DHX36: variants seen among roughly 807,000 people sequenced by gnomAD.
The protein encoded by DHX36 is ATP-dependent DNA/RNA helicase DHX36.
A neutral mutation model predicts 139.0 loss-of-function variants in DHX36; 50 were observed. That is an observed-to-expected ratio of 0.36 (90% CI 0.29 to 0.46). The LOEUF (loss-of-function observed/expected upper bound fraction) is 0.46. Ranked by LOEUF, DHX36 falls within the 20% of genes least tolerant of loss-of-function variation. The pLI, the probability that DHX36 is intolerant of heterozygous loss-of-function variation, is 1.00. For missense variants in DHX36, 1,024 were observed against 1,211.3 expected (o/e 0.85, Z 2.29); for synonymous variants, 425 against 401.9 (o/e 1.06, Z -0.69).
chr3:154,306,338 G>C (rs1162163593), intron 5 of DHX36, 43 bp from the exon 6 acceptor site: 1 of 1,502,406 alleles, frequency 6.7e-7, no homozygotes. Flanking sequence ...ATTTCCTTTA[G>C]AACAAATATC....
intron 22 of DHX36, chr3:154,278,370 TA>T (rs1483440823): frequency 6.6e-6 from 1 of 152,150 alleles, no homozygotes; most frequent in African/African-American, 2.4e-5. Context: ...AGATGTTTAA[TA>T]ATTTATTTTT....
At position 154,290,133 on chromosome 3, in the gene DHX36, C is replaced by T. The variant is rs189627705; in HGVS notation, c.1815-307G>A. 1.3e-3 allele frequency among the ~76,000 whole-genome samples: 196 copies of T among 152,242 alleles called. 3 individuals carry two copies. Among genetic ancestry groups the T allele is most frequent in the African/African-American group, 4.5e-3 (185 of 41,550 alleles). On this transcript the variant is annotated intron_variant, in intron 15 of 24. Transcript: ENST00000496811. ...TACTGTGCTCAGTAACAGCAGTCTA[C>T]CTAGGTTAAGGTTAAGAATAGTAAC...
At chr3:154,318,452 C>T (rs1277471003) in intron 1 of DHX36, among the ~76,000 whole-genome samples, 1 of 152,214 alleles carries the variant, frequency 6.6e-6, no homozygotes, top group South Asian at 2.1e-4. Flanking sequence ...TTTCACAATA[C>T]ATTGCCCACT....
chr3:154,309,165 G>A (rs1056972599), intron 5 of DHX36, among the ~76,000 whole-genome samples: 8 of 151,870 alleles, frequency 5.3e-5, no homozygotes, highest in African/African-American at 1.5e-4. Context: ...TCCAGCTTAA[G>A]TGACAAAATA....
chr3:154,286,383 G>C (rs1312044615), intron 17 of DHX36, among the ~76,000 whole-genome samples: 1 of 151,520 alleles, frequency 6.6e-6, no homozygotes, highest in Admixed American at 6.6e-5. Flanking sequence ...TCTACATGAA[G>C]TTATTTGAAT....
chr3:154,301,773 G>A (rs1005540041), intron 9 of DHX36, among the ~76,000 whole-genome samples: 5 of 152,030 alleles, frequency 3.3e-5, no homozygotes, highest in Non-Finnish European at 7.4e-5. Context: ...CATAGAGGGC[G>A]CATCTGGACA....
At position 154,273,511 on chromosome 3, in the gene DHX36, A is replaced by AG. The variant is rs796134581; in HGVS notation, c.*2659dup. The AG allele has an allele frequency of 4.1e-4, 63 of 152,330 alleles. No individual in the cohort carries two copies. The highest frequency in any genetic ancestry group is 1.4e-3 in the African/African-American group (59 of 41,578). The allele number at this position is 152,330 out of a possible 1,614,324, so 9.4% of individuals were successfully genotyped here. ...GGATTTAAACTGGATAATAAAAGTAAGGGAAAAAAAAGCACAAACAGAAAC... is the reference window on the plus strand; with the variant it reads ...GGATTTAAACTGGATAATAAAAGTAAGGGGAAAAAAAAGCACAAACAGAAAC... On this transcript the variant is annotated 3_prime_UTR_variant, in exon 25 of 25. Transcript: ENST00000496811.
At chr3:154,314,096 A>C (rs532065622) in intron 3 of DHX36, among the ~76,000 whole-genome samples, 5 of 152,190 alleles carry the variant, frequency 3.3e-5, no homozygotes, top group Non-Finnish European at 7.3e-5. Flanking sequence ...AAAGAGAAAG[A>C]CACTAATTCC....
chr3:154,320,530 T>C (rs1203798015), intron 1 of DHX36, among the ~76,000 whole-genome samples: 2 of 115,286 alleles, frequency 1.7e-5, no homozygotes, highest in East Asian at 5.1e-4. Context: ...ATCTCCAGTC[T>C]AGATTTTTCT....
chr3:154,308,715 G>A (rs565957843), intron 5 of DHX36, among the ~76,000 whole-genome samples: 1 of 152,182 alleles, frequency 6.6e-6, no homozygotes, highest in East Asian at 1.9e-4. Context: ...TTTCCATTTT[G>A]CTACTCAAAC....
At position 154,284,925 on chromosome 3, in the gene DHX36, A is replaced by G. The variant is rs16823844; in HGVS notation, c.2094T>C (p.Val698=). Reference sequence around the variant, plus strand: ...GAATCATTTTTCCAATATGTGGCTCAACGGGTAATCGTGCCAAGTGGACTC... The same window carrying G: ...GAATCATTTTTCCAATATGTGGCTCGACGGGTAATCGTGCCAAGTGGACTC... ...PLGVHLARLP[V]EPHIGKMILF... is the part of the protein sequence containing the mutation. Residue 698 remains valine, a synonymous_variant, in exon 18 of 25, where the codon GTT becomes GTC. Coordinates refer to ENST00000496811, the MANE Select transcript of DHX36 (RefSeq NM_020865.3). 3.8e-3 allele frequency: 6,125 copies of G among 1,614,160 alleles called. 213 individuals carry two copies. In the African/African-American group the frequency reaches 0.069, roughly 18 times the overall value.
chr3:154,315,210 A>G lies in DHX36; in HGVS notation c.439T>C (p.Leu147=), dbSNP rs371427563. The G allele has an allele frequency of 1.9e-6, 3 of 1,613,232 alleles. No individual in the cohort carries two copies. Among genetic ancestry groups the G allele is most frequent in the African/African-American group, 1.3e-5 (1 of 74,842 alleles). ...AACATTTTTTTTTCTTGATTTATCA[A>G]CTTCTTTTCCTGGATGTCAAGTTTG... ...ENKLDIQEKK[L]INQEKKMFRI... is the part of the protein sequence containing the mutation. Residue 147 remains leucine (L), a synonymous_variant, in exon 3 of 25, where the codon TTG becomes CTG. Coordinates refer to ENST00000496811, the MANE Select transcript of DHX36 (RefSeq NM_020865.3).
intron 24 of DHX36, 77 bp from the exon 25 acceptor site, chr3:154,276,433 C>G (rs1719151686): frequency 7.4e-7 from 1 of 1,342,284 alleles, no homozygotes; most frequent in African/African-American, 1.5e-5. Context: ...AACTAATTTA[C>G]CTGATACAAG....
intron 1 of DHX36, among the ~76,000 whole-genome samples, chr3:154,322,364 T>A (rs906319920): frequency 6.6e-6 from 1 of 152,198 alleles, no homozygotes; most frequent in African/African-American, 2.4e-5. Flanking sequence ...TTTTAAAAGA[T>A]CACCATAGGC....
At chr3:154,283,151 G>T in intron 20 of DHX36, 37 bp downstream of exon 20, 1 of 1,457,602 alleles carries the variant, frequency 6.9e-7, no homozygotes. Flanking sequence ...CTCTAATCTA[G>T]CATATATGAT....
chr3:154,277,416 C>A (rs1035776104), intron 23 of DHX36, among the ~76,000 whole-genome samples, 182 bp downstream of exon 23: 1 of 151,912 alleles, frequency 6.6e-6, no homozygotes, highest in African/African-American at 2.4e-5. Context: ...ATACAAAGAT[C>A]CATCATTACA....
chr3:154,293,720 A>C, intron 14 of DHX36, 28 bp downstream of exon 14: 1 of 1,525,418 alleles, frequency 6.6e-7, no homozygotes, highest in South Asian at 1.1e-5. Flanking sequence ...TGTAATCATC[A>C]GTATTTGATA....
chr3:154,322,224 T>C (rs954495670), intron 1 of DHX36, among the ~76,000 whole-genome samples: 1 of 152,248 alleles, frequency 6.6e-6, no homozygotes, highest in Admixed American at 6.5e-5. Flanking sequence ...ACCTGTTACG[T>C]TGAAGCCGTA....
At chr3:154,309,502 G>T in intron 5 of DHX36, 151 bp downstream of exon 5, 1 of 534,640 alleles carries the variant, frequency 1.9e-6, no homozygotes, top group Non-Finnish European at 3.0e-6. Flanking sequence ...AATTTTTTGG[G>T]CTTTATTATT....
Sources: allele counts gnomAD v4.1 joint callset (sites outside exome capture counted in the v4.1 genomes callset), GRCh38; gene constraint gnomAD v4.1.1; transcripts MANE v1.5; gene names NCBI Gene and HGNC (gene_info 2026-07-23, HGNC 2026-07-21).